PDXK: variants seen among roughly 807,000 people sequenced by gnomAD.
PDXK encodes epididymis secretory sperm binding protein Li 1a.
In PDXK, 15 loss-of-function variants were observed where a neutral mutation model predicts 43.2. The ratio of observed to expected loss-of-function variants is 0.35; its 90% CI spans 0.23 to 0.53. PDXK has a LOEUF of 0.53. Among genes scored for constraint, PDXK ranks in the 20% least tolerant of loss-of-function variants. PDXK has a pLI of 0.92. For missense variants in PDXK, 343 were observed against 417.0 expected, an observed-to-expected ratio of 0.82 and a Z score of 1.54; for synonymous variants, 172 against 165.4, an observed-to-expected ratio of 1.04 and a Z score of -0.31.
At chr21:43,749,196 C>T (rs1337836380) in intron 6 of PDXK, 116 bp downstream of exon 6, 14 of 562,720 alleles carry the variant, frequency 2.5e-5, no homozygotes, top group Admixed American at 1.5e-4. Flanking sequence ...CCTCTGTCTC[C>T]GGGGTTCAAG....
At position 43,756,113 on chromosome 21, in the gene PDXK, T is replaced by C; in HGVS notation, c.*50T>C. ...CGCAGCGCGTTGGTGTCTCCGTGTT[T>C]GTCCCTGTGAAAACATGTAACGTCT... On this transcript the variant is annotated 3_prime_UTR_variant, in exon 11 of 11. Transcript: ENST00000291565. 9.2e-7 allele frequency: 1 copy of C among 1,083,928 alleles called. No homozygotes were observed. Among genetic ancestry groups the C allele is most frequent in the Non-Finnish European group, 1.4e-6 (1 of 717,514 alleles). 67.1% of individuals were successfully genotyped at this position (1,083,928 alleles called of 1,614,324 possible). A position where few individuals can be genotyped will look rare whatever the true frequency, so the allele number is the denominator to read the frequency against.
chr21:43,740,645 C>A (rs1346186019), intron 2 of PDXK, among the ~76,000 whole-genome samples: 1 of 151,918 alleles, frequency 6.6e-6, no homozygotes, highest in African/African-American at 2.4e-5. Context: ...GTGGTCCCGC[C>A]TGCAGGAAGC....
At chr21:43,742,507 G>A (rs1021075196) in intron 3 of PDXK, among the ~76,000 whole-genome samples, 5 of 152,010 alleles carry the variant, frequency 3.3e-5, no homozygotes, top group Non-Finnish European at 7.4e-5. Context: ...TAAATGGTTA[G>A]GGGAAACACT....
chr21:43,738,079 G>T, intron 2 of PDXK: 1 of 982,206 alleles, frequency 1.0e-6, no homozygotes, highest in Non-Finnish European at 1.2e-6. Flanking sequence ...GCTGAATTAC[G>T]TCCCCCCAAA....
At position 43,732,209 on chromosome 21, in the gene PDXK, A is replaced by G. The variant is rs530922209; in HGVS notation, c.88-1860A>G. The G allele has an allele frequency of 1.5e-5, 22 of 1,437,962 alleles. No homozygotes were observed. The highest frequency in any genetic ancestry group is 5.1e-4 in the Middle Eastern group (2 of 3,910). 89.1% of individuals were successfully genotyped at this position (1,437,962 alleles called of 1,614,324 possible). A position where few individuals can be genotyped will look rare whatever the true frequency, so the allele number is the denominator to read the frequency against. ...GAGCCACTGCTGTACAGAGATGCCA[A>G]TTCCAGAGGCATGGTCCGGCACAGA... On this transcript the variant is annotated intron_variant, in intron 1 of 10. Transcript: ENST00000291565. This position sits in a 1 kb window ranked among gnomAD's most constrained non-coding sequence, Gnocchi z 4.1.
intron 5 of PDXK, chr21:43,747,140 A>T (rs2083652482): frequency 6.6e-6 from 1 of 152,316 alleles, no homozygotes; most frequent in South Asian, 2.1e-4. Context: ...TCAAAAAACA[A>T]AAGAAAAATC....
Position 43,734,636 on chromosome 21 carries a change from C to A in PDXK, c.142+513C>A, listed in dbSNP as rs1325740559. 6.6e-6 allele frequency among the ~76,000 whole-genome samples: 1 copy of A among 152,046 alleles called. No homozygotes were observed. Among genetic ancestry groups the A allele is most frequent in the East Asian group, 1.9e-4 (1 of 5,178 alleles). On this transcript the variant is annotated intron_variant, in intron 2 of 10. Coordinates refer to ENST00000291565, the MANE Select transcript of PDXK (RefSeq NM_003681.5). This position sits in a 1 kb window ranked among gnomAD's most constrained non-coding sequence, Gnocchi z 5.0. ...TCTGTTAACAGCAGTGCTGCAGGGC[C>A]CCGTGTGTGCCTCTGTCTCCCTGCC...
chr21:43,738,480 A>G (rs1194454308), intron 2 of PDXK: 4 of 152,234 alleles, frequency 2.6e-5, no homozygotes, highest in African/African-American at 7.2e-5. Flanking sequence ...ATGCCTGTAT[A>G]AACTGGCCAT....
intron 4 of PDXK, among the ~76,000 whole-genome samples, chr21:43,745,318 G>T (rs929125850): frequency 9.2e-5 from 14 of 152,188 alleles, no homozygotes; most frequent in African/African-American, 3.1e-4. Context: ...TACTTTGGAG[G>T]CTGAGGCAGG....
At chr21:43,746,631 C>G (rs1253424334) in intron 5 of PDXK, among the ~76,000 whole-genome samples, 2 of 152,264 alleles carry the variant, frequency 1.3e-5, no homozygotes, top group African/African-American at 4.8e-5. Context: ...GTCGTCCAGG[C>G]TGGTCTCGAA....
chr21:43,739,099 A>C (rs1680704730), intron 2 of PDXK, among the ~76,000 whole-genome samples: 1 of 151,824 alleles, frequency 6.6e-6, no homozygotes, highest in Non-Finnish European at 1.5e-5. Context: ...ACGCCCGGCT[A>C]ATTTTTTTGT....
chr21:43,723,924 G>C lies in PDXK; in HGVS notation c.87+4543G>C, dbSNP rs1477320774. The C allele has an allele frequency of 6.6e-6, 1 of 152,304 alleles. No homozygotes were observed. 9.4% of individuals were successfully genotyped at this position (152,304 alleles called of 1,614,324 possible). A position where few individuals can be genotyped will look rare whatever the true frequency, so the allele number is the denominator to read the frequency against. On this transcript the variant is annotated intron_variant, in intron 1 of 10. Transcript: ENST00000291565. This position sits in a 1 kb window ranked among gnomAD's most constrained non-coding sequence, Gnocchi z 4.1. ...TGCGCTTTCACAGGGCCGCTCCTAG[G>C]GAGGAGGTTGTGGACATCAGACATT... is the stretch of plus-strand genomic sequence containing the variant.
chr21:43,740,101 C>T (rs2083469078), intron 2 of PDXK, among the ~76,000 whole-genome samples: 1 of 152,068 alleles, frequency 6.6e-6, no homozygotes, highest in South Asian at 2.1e-4. Flanking sequence ...GTGTCCCGGG[C>T]AGAGTACAGG....
chr21:43,722,303 G>A (rs1438425055), intron 1 of PDXK, among the ~76,000 whole-genome samples: 2 of 152,214 alleles, frequency 1.3e-5, no homozygotes, highest in East Asian at 3.8e-4. Context: ...GTGTGTATGT[G>A]TGGAAAGCCT....
Position 43,754,575 on chromosome 21 carries a change from C to T in PDXK, c.759+856C>T, listed in dbSNP as rs116747053. On this transcript the variant is annotated intron_variant, in intron 9 of 10. Transcript: ENST00000291565. The surrounding 1 kb of genome is among the most constrained non-coding windows in gnomAD (Gnocchi z 5.5). ...CTGTGCTCTGAGGTGGTCCCCAGCC[C>T]CTGGGCTCAGCCCCCAAAACTCCCC... 1.9e-3 allele frequency among the ~76,000 whole-genome samples: 283 copies of T among 152,264 alleles called. 1 individual carries two copies. The highest frequency in any genetic ancestry group is 6.6e-3 in the African/African-American group (273 of 41,552).
At chr21:43,741,925 C>T (rs2083540956) in intron 3 of PDXK, among the ~76,000 whole-genome samples, 154 bp downstream of exon 3, 1 of 152,106 alleles carries the variant, frequency 6.6e-6, no homozygotes, top group South Asian at 2.1e-4. Flanking sequence ...ATCACACCCC[C>T]GGTAGCCTGG....
intron 1 of PDXK, among the ~76,000 whole-genome samples, chr21:43,728,161 T>A (rs1442482169): frequency 6.6e-6 from 1 of 152,076 alleles, no homozygotes; most frequent in Non-Finnish European, 1.5e-5. Flanking sequence ...GAGACTGCTC[T>A]GGGGGGCTCG....
In PDXK at chr21:43,734,052, C is replaced by T. The variant is rs1291718965; in HGVS notation, c.88-17C>T. ...CCTGGCTCTCTTACGCCTACCTGTT[C>T]CTTCTCTGTCTTGCAGGTTTTGGGA... On this transcript the variant is annotated splice_polypyrimidine_tract_variant and intron_variant, in intron 1 of 10. Transcript: ENST00000291565. This position sits in a 1 kb window ranked among gnomAD's most constrained non-coding sequence, Gnocchi z 5.0. The T allele has an allele frequency of 6.2e-7, 1 of 1,613,886 alleles. No homozygotes were observed. The highest frequency in any genetic ancestry group is 1.1e-5 in the South Asian group (1 of 91,068).
chr21:43,736,317 G>A (rs564136932), intron 2 of PDXK, among the ~76,000 whole-genome samples: 90 of 152,254 alleles, frequency 5.9e-4, no homozygotes, highest in African/African-American at 2.1e-3. Flanking sequence ...TGCGCTCCCC[G>A]GGCTGTCTCA....
Sources: allele counts gnomAD v4.1 joint callset (sites outside exome capture counted in the v4.1 genomes callset), GRCh38; gene constraint gnomAD v4.1.1; non-coding constraint Gnocchi (gnomAD v3.1); transcripts MANE v1.5; gene names NCBI Gene and HGNC (gene_info 2026-07-23, HGNC 2026-07-21).